Variants in CARM1 observed in about 807,000 individuals in gnomAD.
CARM1 encodes the protein coactivator associated arginine methyltransferase 1.
Under a neutral mutation model 72.7 loss-of-function variants are expected in CARM1, and 14 were observed. The observed-to-expected ratio is 0.19, with a 90% CI of 0.13 to 0.30. CARM1 has a LOEUF of 0.30. CARM1 is among the 10% of genes least tolerant of loss of function. The pLI is 1.00. For synonymous variants in CARM1, 333 were observed against 345.5 expected, an observed-to-expected ratio of 0.96 and a Z score of 0.40; for missense variants, 432 against 833.7, an observed-to-expected ratio of 0.52 and a Z score of 5.93.
chr19:10,903,153 T>C (rs1466807343), intron 1 of CARM1, among the ~76,000 whole-genome samples: 1 of 152,212 alleles, frequency 6.6e-6, no homozygotes, highest in African/African-American at 2.4e-5. Flanking sequence ...GGCATCCTTA[T>C]CAAAAATCAA....
chr19:10,897,539 G>A (rs927519662), intron 1 of CARM1, among the ~76,000 whole-genome samples: 1 of 152,176 alleles, frequency 6.6e-6, no homozygotes, highest in Non-Finnish European at 1.5e-5. Flanking sequence ...CTTCATCAGG[G>A]CCGACTGCAG....
chr19:10,880,500 C>T (rs944911499), intron 1 of CARM1, among the ~76,000 whole-genome samples: 33 of 151,894 alleles, frequency 2.2e-4, no homozygotes, highest in African/African-American at 7.3e-4. Context: ...GCGCACATCA[C>T]CATGCCTGGC....
At chr19:10,897,845 C>T (rs563137860) in intron 1 of CARM1, among the ~76,000 whole-genome samples, 32 of 152,214 alleles carry the variant, frequency 2.1e-4, no homozygotes, top group African/African-American at 7.5e-4. Flanking sequence ...GTGGCTCACT[C>T]CTGTAATCCC....
intron 2 of CARM1, among the ~76,000 whole-genome samples, chr19:10,905,781 G>C (rs563128765): frequency 6.6e-6 from 1 of 151,624 alleles, no homozygotes; most frequent in South Asian, 2.1e-4. Context: ...CTGAGCCCTC[G>C]GGGCCAGCTG....
At chr19:10,913,834 C>T (rs1568355502) in intron 5 of CARM1, 43 bp from the exon 6 acceptor site, 2 of 1,585,020 alleles carry the variant, frequency 1.3e-6, no homozygotes, top group East Asian at 2.2e-5. Flanking sequence ...GGCCCCATGG[C>T]AGGAAGACGC....
rs187404861 is a variant in CARM1, at chr19:10,922,103, C to T, written c.*346C>T. ...GCCTGCCAGGTCCCTTAGCACCTGT[C>T]CCCCTGCCTGTCTCCAGTGGGAAGG... is the stretch of plus-strand genomic sequence containing the variant. On this transcript the variant is annotated 3_prime_UTR_variant, in exon 16 of 16. Transcript: ENST00000327064. 7.5e-3 allele frequency: 1,478 copies of T among 196,542 alleles called. 9 individuals carry two copies. The highest frequency in any genetic ancestry group is 0.013 in the Non-Finnish European group (1,226 of 97,322). The allele number at this position is 196,542 out of a possible 1,614,324, so 12.2% of individuals were successfully genotyped here. A position where few individuals can be genotyped will look rare whatever the true frequency, so the allele number is the denominator to read the frequency against.
At chr19:10,872,006 T>G in intron 1 of CARM1, 84 bp downstream of exon 1, 1 of 1,086,262 alleles carries the variant, frequency 9.2e-7, no homozygotes, top group African/African-American at 1.7e-5. Context: ...GGAGGGGCCC[T>G]GAGCGCGGGG....
intron 1 of CARM1, among the ~76,000 whole-genome samples, chr19:10,873,321 G>C (rs1802223796): frequency 6.6e-6 from 1 of 151,990 alleles, no homozygotes; most frequent in Non-Finnish European, 1.5e-5. Context: ...AATTTTTTTA[G>C]GACCAGGCGG....
chr19:10,916,450 C>T lies in CARM1; in HGVS notation c.891C>T (p.Phe297=). ...PTIGDVHLAP[F]TDEQLYMEQF... ...TTGGTGACGTCCACCTTGCACCCTT[C>T]ACGGATGAACAGCTCTACATGGAGC... Residue 297 remains phenylalanine (F), a synonymous_variant, in exon 7 of 16, where the codon TTC becomes TTT. Coordinates refer to ENST00000327064, the MANE Select transcript of CARM1 (RefSeq NM_199141.2). The surrounding 1 kb of genome is among the most constrained non-coding windows in gnomAD (Gnocchi z 4.4). The T allele has an allele frequency of 6.2e-7, 1 of 1,613,984 alleles. No individual in the cohort carries two copies. The highest frequency in any genetic ancestry group is 8.5e-7 in the Non-Finnish European group (1 of 1,179,950).
intron 1 of CARM1, among the ~76,000 whole-genome samples, chr19:10,887,762 G>C (rs923249100): frequency 1.3e-5 from 2 of 152,174 alleles, no homozygotes; most frequent in Non-Finnish European, 2.9e-5. Flanking sequence ...TTCAAGAGGT[G>C]CACTAGGCAG....
At chr19:10,881,425 A>C (rs1389334602) in intron 1 of CARM1, among the ~76,000 whole-genome samples, 1 of 152,104 alleles carries the variant, frequency 6.6e-6, no homozygotes, top group Non-Finnish European at 1.5e-5. Context: ...CTGGCTGGTA[A>C]GGGATTGGGG....
chr19:10,887,271 G>A (rs979271923), intron 1 of CARM1, among the ~76,000 whole-genome samples: 4 of 152,204 alleles, frequency 2.6e-5, no homozygotes, highest in Non-Finnish European at 5.9e-5. Flanking sequence ...CTGTGTCACC[G>A]TGTTGGCCAT....
intron 1 of CARM1, among the ~76,000 whole-genome samples, chr19:10,883,241 C>T (rs1182508202): frequency 1.3e-5 from 2 of 152,168 alleles, no homozygotes; most frequent in Non-Finnish European, 2.9e-5. Flanking sequence ...TCCTTGGTCT[C>T]CTGAGCCTGC....
In CARM1 at chr19:10,896,495, G is replaced by T. The variant is rs965314598; in HGVS notation, c.221-8456G>T. Among the ~76,000 whole-genome samples, 3 of 151,952 alleles carry T rather than the reference G, an allele frequency of 2.0e-5. No homozygotes were observed. Among genetic ancestry groups the T allele is most frequent in the African/African-American group, 7.3e-5 (3 of 41,344 alleles). On this transcript the variant is annotated intron_variant, in intron 1 of 15. Transcript: ENST00000327064. The surrounding 1 kb of genome is among the most constrained non-coding windows in gnomAD (Gnocchi z 5.2). ...GCACTTGGCTCCTTCCCTATCCTGT[G>T]TGACGGTGGGTCTCTCCCCACCCTG...
At chr19:10,902,608 C>CT (rs35583098) in intron 1 of CARM1, among the ~76,000 whole-genome samples, 2,255 of 136,484 alleles carry the variant, frequency 0.017, 29 homozygotes, top group Non-Finnish European at 0.024. Context: ...TGTGCCCAGA[C>CT]TTTTTTTTTT....
chr19:10,876,867 C>T (rs1327908435), intron 1 of CARM1, among the ~76,000 whole-genome samples: 2 of 152,234 alleles, frequency 1.3e-5, no homozygotes, highest in Non-Finnish European at 1.5e-5. Context: ...GGCGCTCTTT[C>T]TGGAAATGAC....
chr19:10,878,436 C>T (rs999411444), intron 1 of CARM1, among the ~76,000 whole-genome samples: 7 of 152,118 alleles, frequency 4.6e-5, no homozygotes, highest in African/African-American at 1.2e-4. Flanking sequence ...ATTGTGTGAG[C>T]CCCTTGTGCC....
intron 1 of CARM1, among the ~76,000 whole-genome samples, chr19:10,899,613 G>A (rs1345533261): frequency 6.6e-6 from 1 of 152,192 alleles, no homozygotes. Flanking sequence ...GGGTGGGAGA[G>A]AGTCTGGCAG....
intron 1 of CARM1, among the ~76,000 whole-genome samples, chr19:10,877,111 C>T (rs1318633773): frequency 2.6e-5 from 4 of 152,212 alleles, no homozygotes; most frequent in South Asian, 4.1e-4. Context: ...CCTTTGGTTA[C>T]ACTCCTGGGA....
Sources: allele counts gnomAD v4.1 joint callset (sites outside exome capture counted in the v4.1 genomes callset), GRCh38; gene constraint gnomAD v4.1.1; non-coding constraint Gnocchi (gnomAD v3.1); transcripts MANE v1.5; gene names NCBI Gene and HGNC (gene_info 2026-07-23, HGNC 2026-07-21).